AK5: variants seen among roughly 807,000 people sequenced by gnomAD.
The protein encoded by AK5 is adenylate kinase 5, also known as adenylate kinase isoenzyme 5.
Under a neutral mutation model 69.5 loss-of-function variants are expected in AK5, and 27 were observed. The ratio of observed to expected loss-of-function variants is 0.39; its 90% CI spans 0.29 to 0.54. The LOEUF is 0.54. AK5 is among the 20% of genes least tolerant of loss of function. The pLI is 0.71. For missense variants in AK5, 531 were observed against 700.4 expected, an observed-to-expected ratio of 0.76 and a Z score of 2.73; for synonymous variants, 260 against 244.4, an observed-to-expected ratio of 1.06 and a Z score of -0.60.
intron 13 of AK5, 115 bp from the exon 14 acceptor site, chr1:77,558,487 C>T (rs1660247175): frequency 1.3e-5 from 7 of 523,584 alleles, no homozygotes; most frequent in East Asian, 3.4e-5. Flanking sequence ...TGGGGGGGGT[C>T]TTGTGTTTTA....
In AK5 at chr1:77,297,867, A is replaced by G; in HGVS notation, c.619A>G (p.Met207Val). Reference sequence around the variant, plus strand: ...AATTACAGAGATAAAACAAAAATTGATGCAAATACCTGATGAAGAGGGCAT... The same window carrying G: ...AATTACAGAGATAAAACAAAAATTGGTGCAAATACCTGATGAAGAGGGCAT... The part of the protein sequence containing the change: ...TTITEIKQKL[M>V]QIPDEEGIVI... Residue 207 changes from methionine (M) to valine (V), a missense_variant, in exon 5 of 14, where the codon ATG becomes GTG. By Grantham distance (21) the Met-to-Val change is conservative. Transcript: ENST00000354567. The G allele has an allele frequency of 6.2e-7, 1 of 1,613,160 alleles. No individual in the cohort carries two copies. The highest frequency in any genetic ancestry group is 8.5e-7 in the Non-Finnish European group (1 of 1,179,772).
Position 77,522,344 on chromosome 1 carries a change from G to T in AK5, c.1428+401G>T, listed in dbSNP as rs1362526692. Among the ~76,000 whole-genome samples, 3 of 152,094 alleles carry T rather than the reference G, an allele frequency of 2.0e-5. No individual in the cohort carries two copies. In the South Asian group the frequency reaches 6.2e-4, roughly 31 times the overall value. ...AGTTGTGTTTCCTATCCTGGATTTGGTCACAGTCCCATCATCACTGAACCA... is the reference window on the plus strand; with the variant it reads ...AGTTGTGTTTCCTATCCTGGATTTGTTCACAGTCCCATCATCACTGAACCA... On this transcript the variant is annotated intron_variant, in intron 12 of 13. Transcript: ENST00000354567.
intron 5 of AK5, among the ~76,000 whole-genome samples, chr1:77,333,802 C>T (rs555622492): frequency 3.3e-5 from 5 of 152,314 alleles, no homozygotes; most frequent in African/African-American, 1.2e-4. Context: ...ACCCACTCCT[C>T]TTCTAGAAAT....
At chr1:77,368,387 A>G (rs1647058230) in intron 6 of AK5, among the ~76,000 whole-genome samples, 2 of 140,308 alleles carry the variant, frequency 1.4e-5, no homozygotes, top group South Asian at 4.6e-4. Context: ...CACCTTATAC[A>G]CATAGCCTGA....
At chr1:77,349,562 T>G (rs563388284) in intron 6 of AK5, 12 of 152,332 alleles carry the variant, frequency 7.9e-5, no homozygotes, top group African/African-American at 2.9e-4. Context: ...GGCATCTCTA[T>G]GCAGCTGTAA....
chr1:77,454,460 A>G (rs907656582), intron 8 of AK5, among the ~76,000 whole-genome samples: 1 of 152,186 alleles, frequency 6.6e-6, no homozygotes, highest in Non-Finnish European at 1.5e-5. Flanking sequence ...ATATCTAGCT[A>G]GCTTTATTTC....
intron 8 of AK5, among the ~76,000 whole-genome samples, chr1:77,440,004 TG>T (rs1426147103): frequency 6.6e-6 from 1 of 152,174 alleles, no homozygotes; most frequent in Admixed American, 6.5e-5. Context: ...TATTGCAGTT[TG>T]GTGGGTTTTT....
chr1:77,436,289 C>T (rs1481987140), intron 8 of AK5, among the ~76,000 whole-genome samples: 5 of 151,874 alleles, frequency 3.3e-5, no homozygotes, highest in African/African-American at 1.2e-4. Flanking sequence ...TATAACTTCT[C>T]CTCCCAAAAC....
intron 2 of AK5, among the ~76,000 whole-genome samples, chr1:77,288,274 G>T (rs1258821716): frequency 3.3e-5 from 5 of 152,158 alleles, no homozygotes; most frequent in African/African-American, 1.2e-4. Context: ...TCAGGCTCTA[G>T]ATGAATTTGA....
At chr1:77,309,398 C>T (rs775959074) in intron 5 of AK5, among the ~76,000 whole-genome samples, 66 of 152,186 alleles carry the variant, frequency 4.3e-4, no homozygotes, top group Middle Eastern at 3.4e-3. Flanking sequence ...TCTACACGTT[C>T]GACATGCTGT....
intron 8 of AK5, among the ~76,000 whole-genome samples, chr1:77,444,775 C>T (rs1224692801): frequency 6.7e-6 from 1 of 149,120 alleles, no homozygotes; most frequent in Non-Finnish European, 1.5e-5. Flanking sequence ...GAGGGTCTCA[C>T]TTTCTTGACC....
intron 6 of AK5, among the ~76,000 whole-genome samples, chr1:77,371,988 C>T (rs191777725): frequency 6.6e-6 from 1 of 152,288 alleles, no homozygotes; most frequent in African/African-American, 2.4e-5. Flanking sequence ...GTGAGTTCAT[C>T]TGAACTTTTG....
intron 8 of AK5, among the ~76,000 whole-genome samples, chr1:77,464,877 T>C (rs1194792518): frequency 6.6e-6 from 1 of 152,032 alleles, no homozygotes; most frequent in African/African-American, 2.4e-5. Flanking sequence ...GGGGGAATAA[T>C]GAGAGGAGAG....
intron 6 of AK5, among the ~76,000 whole-genome samples, chr1:77,370,101 AG>A (rs1483299040): frequency 1.3e-5 from 2 of 152,172 alleles, no homozygotes; most frequent in African/African-American, 4.8e-5. Context: ...ATAAGTCCAA[AG>A]TGGCAGGAGC....
intron 8 of AK5, among the ~76,000 whole-genome samples, chr1:77,473,938 G>A (rs905650167): frequency 1.3e-5 from 2 of 152,164 alleles, no homozygotes; most frequent in Non-Finnish European, 2.9e-5. Flanking sequence ...AGTTTGGTGA[G>A]GGTAAAGTGA....
chr1:77,286,210 A>G (rs1658339789), intron 1 of AK5, among the ~76,000 whole-genome samples: 1 of 152,090 alleles, frequency 6.6e-6, no homozygotes. Flanking sequence ...AAAAAACTCT[A>G]TGAGGTATTT....
At chr1:77,431,346 A>C (rs1242781085) in intron 8 of AK5, among the ~76,000 whole-genome samples, 1 of 152,146 alleles carries the variant, frequency 6.6e-6, no homozygotes, top group Non-Finnish European at 1.5e-5. Context: ...GCAAATGTTT[A>C]TTGGGTGGCC....
intron 6 of AK5, among the ~76,000 whole-genome samples, chr1:77,366,171 T>C (rs1646946902): frequency 6.6e-6 from 1 of 152,208 alleles, no homozygotes; most frequent in Non-Finnish European, 1.5e-5. Flanking sequence ...TCTATGCCCA[T>C]TATGAAAGAG....
chr1:77,524,707 T>C (rs562272220), intron 12 of AK5, among the ~76,000 whole-genome samples: 2 of 152,342 alleles, frequency 1.3e-5, no homozygotes, highest in South Asian at 4.1e-4. Context: ...TTTCACTCTT[T>C]TGGTTGTGTC....
Sources: gnomAD v4.1 joint callset for allele counts (sites outside exome capture counted in the v4.1 genomes callset) on GRCh38, gnomAD v4.1.1 for gene constraint, MANE v1.5 for transcripts, NCBI Gene and HGNC (gene_info 2026-07-23, HGNC 2026-07-21) for gene names.